Variants in SPHKAP observed in about 807,000 individuals in gnomAD.
SPHKAP encodes SPHK1 interactor, AKAP domain containing, also known as A-kinase anchor protein SPHKAP.
SPHKAP carries 67 observed loss-of-function variants against 137.5 expected under a neutral mutation model. The observed-to-expected ratio is 0.49, with a 90% CI of 0.40 to 0.60. SPHKAP has a LOEUF of 0.60. Among genes scored for constraint, SPHKAP ranks in the 20% least tolerant of loss-of-function variants. The pLI is 0.00. For missense variants in SPHKAP, 2,097 were observed against 2,069.3 expected (o/e 1.01, Z -0.26); for synonymous variants, 813 against 785.3 (o/e 1.04, Z -0.59).
At chr2:228,020,606 T>C (rs1694806111) in intron 6 of SPHKAP, among the ~76,000 whole-genome samples, 1 of 152,024 alleles carries the variant, frequency 6.6e-6, no homozygotes, top group African/African-American at 2.4e-5. Context: ...TTAGGAGATA[T>C]ACCTAATGTA....
At chr2:228,006,851 G>A (rs916046487) in intron 7 of SPHKAP, among the ~76,000 whole-genome samples, 1 of 152,224 alleles carries the variant, frequency 6.6e-6, no homozygotes, top group Non-Finnish European at 1.5e-5. Flanking sequence ...CTGCAGAACA[G>A]TGAATATTGC....
chr2:228,015,892 C>T (rs975957006), intron 7 of SPHKAP, among the ~76,000 whole-genome samples: 1 of 151,950 alleles, frequency 6.6e-6, no homozygotes, highest in Non-Finnish European at 1.5e-5. Flanking sequence ...ATGTCAAATG[C>T]CAAAACTAAT....
Position 228,016,790 on chromosome 2 carries a change from C to T in SPHKAP, c.4064G>A (p.Arg1355Lys), listed in dbSNP as rs757076269. The T allele has an allele frequency of 2.2e-5, 36 of 1,613,904 alleles. No individual in the cohort carries two copies. The highest frequency in any genetic ancestry group is 2.8e-5 in the Non-Finnish European group (33 of 1,179,990). The change falls in exon 7 of 12, where the codon AGG becomes AAG. Residue 1355 changes from arginine (R) to lysine (K), a missense_variant. Coordinates refer to ENST00000392056, the MANE Select transcript of SPHKAP (RefSeq NM_001142644.2). ...EKCANRLAAS[R>K]MCSGPTLLVQ... ...AAGCAGAGTTGGCCCACTGCACATC[C>T]TGCTCGCAGCTAATCTATTTGCACA... is the stretch of plus-strand genomic sequence containing the variant.
chr2:227,986,002 A>G lies in SPHKAP; in HGVS notation c.4960-4142T>C, dbSNP rs180935455. ...CTCTGGAACCCCAGGCACCTTTACAAAACCCTGATGCCTGGGCAGCATCCC... is the reference window on the plus strand; with the variant it reads ...CTCTGGAACCCCAGGCACCTTTACAGAACCCTGATGCCTGGGCAGCATCCC... On this transcript the variant is annotated intron_variant, in intron 11 of 11. Transcript: ENST00000392056. 3.2e-3 allele frequency among the ~76,000 whole-genome samples: 483 copies of G among 152,240 alleles called. 4 individuals carry two copies. Among genetic ancestry groups the G allele is most frequent in the South Asian group, 8.5e-3 (41 of 4,826 alleles).
At chr2:228,094,570 A>G (rs1336972057) in intron 3 of SPHKAP, among the ~76,000 whole-genome samples, 4 of 152,168 alleles carry the variant, frequency 2.6e-5, no homozygotes, top group African/African-American at 4.8e-5. Context: ...AGTGTTTCCA[A>G]TGTCAAAATG....
intron 3 of SPHKAP, among the ~76,000 whole-genome samples, chr2:228,081,047 A>G (rs1329594849): frequency 6.6e-6 from 1 of 152,226 alleles, no homozygotes; most frequent in African/African-American, 2.4e-5. Context: ...TCACTCTGCC[A>G]AAAGGAAAAA....
chr2:228,007,788 G>T (rs753277907), intron 7 of SPHKAP, among the ~76,000 whole-genome samples: 4 of 152,046 alleles, frequency 2.6e-5, no homozygotes, highest in Non-Finnish European at 4.4e-5. Context: ...TTTGACAAAG[G>T]TGCCAAAAAC....
intron 1 of SPHKAP, among the ~76,000 whole-genome samples, chr2:228,143,864 A>C (rs1699684248): frequency 6.6e-6 from 1 of 151,870 alleles, no homozygotes; most frequent in African/African-American, 2.4e-5. Context: ...TTTCAAGCAA[A>C]ATTGTAAGTC....
intron 3 of SPHKAP, among the ~76,000 whole-genome samples, chr2:228,088,914 C>G (rs1275192277): frequency 2.6e-5 from 4 of 152,154 alleles, no homozygotes; most frequent in Non-Finnish European, 4.4e-5. Context: ...TTATAAATTA[C>G]CTAGTCTCAA....
intron 3 of SPHKAP, among the ~76,000 whole-genome samples, chr2:228,048,612 ATC>A: frequency 6.6e-6 from 1 of 152,132 alleles, no homozygotes; most frequent in African/African-American, 2.4e-5. Context: ...ATGTTCAGGT[ATC>A]TCTAGACTCA....
intron 7 of SPHKAP, among the ~76,000 whole-genome samples, chr2:228,011,346 T>C (rs751801162): frequency 6.6e-6 from 1 of 152,148 alleles, no homozygotes; most frequent in African/African-American, 2.4e-5. Context: ...GTTCCAAGTC[T>C]TCACCATTCG....
intron 3 of SPHKAP, among the ~76,000 whole-genome samples, chr2:228,080,617 G>T (rs1297921365): frequency 6.6e-6 from 1 of 152,208 alleles, no homozygotes; most frequent in Admixed American, 6.5e-5. Context: ...TGAGGCAGGA[G>T]AATCACTTAA....
At chr2:227,982,035 G>A (rs1166144878) in intron 11 of SPHKAP, 175 bp from the exon 12 acceptor site, 6 of 974,846 alleles carry the variant, frequency 6.2e-6, no homozygotes, top group Admixed American at 6.7e-5. Context: ...GATTATTACC[G>A]AACTTCATCA....
intron 2 of SPHKAP, among the ~76,000 whole-genome samples, chr2:228,124,240 A>AAATCCAAATTATAAT (rs1699001881): frequency 6.6e-6 from 1 of 152,204 alleles, no homozygotes; most frequent in Non-Finnish European, 1.5e-5. Context: ...CTGGGTATAT[A>AAATCCAAATTATAAT]CCCAAAGGAT....
intron 7 of SPHKAP, among the ~76,000 whole-genome samples, chr2:228,012,163 C>CAAAAAAAAAAAAAAAAAAAAAAAAAAAAA (rs544782857): frequency 3.5e-5 from 3 of 84,924 alleles, no homozygotes; most frequent in African/African-American, 4.9e-5. Context: ...GACTCTACCT[C>CAAAAAAAAAAAAAAAAAAAAAAAAAAAAA]AAAAAAAAAA....
At chr2:228,051,401 T>C (rs12694769) in intron 3 of SPHKAP, among the ~76,000 whole-genome samples, 93,417 of 152,026 alleles carry the variant, frequency 0.61, 29,169 homozygotes, top group East Asian at 0.78. Context: ...GCTAAGGGGA[T>C]GTTAATCAAT....
At chr2:228,067,115 C>T (rs1393343844) in intron 3 of SPHKAP, among the ~76,000 whole-genome samples, 7 of 152,166 alleles carry the variant, frequency 4.6e-5, no homozygotes, top group South Asian at 2.1e-4. Flanking sequence ...TTTATGTTGT[C>T]GTTGCATGGT....
chr2:228,099,914 ATCTCGGCTCACTGCAAGCTCCGCC>A (rs1252928177), intron 3 of SPHKAP, among the ~76,000 whole-genome samples: 2 of 151,768 alleles, frequency 1.3e-5, no homozygotes, highest in Non-Finnish European at 2.9e-5. Flanking sequence ...CAGTGGCGCA[ATCTCGGCTCACTGCAAGCTCCGCC>A]TCCTGGGTTC....
intron 1 of SPHKAP, among the ~76,000 whole-genome samples, chr2:228,159,321 G>A (rs1315705105): frequency 1.3e-5 from 2 of 152,178 alleles, no homozygotes; most frequent in South Asian, 2.1e-4. Context: ...TTAAGAGCAG[G>A]GTTGGGGGTG....
Sources: allele counts gnomAD v4.1 joint callset (sites outside exome capture counted in the v4.1 genomes callset), GRCh38; gene constraint gnomAD v4.1.1; transcripts MANE v1.5; gene names NCBI Gene and HGNC (gene_info 2026-07-23, HGNC 2026-07-21).